The following THADA variants were observed in gnomAD, a reference collection of about 807,000 sequenced individuals.
THADA encodes the protein THADA armadillo repeat containing.
THADA carries 213 observed loss-of-function variants against 219.8 expected under a neutral mutation model. The ratio of observed to expected loss-of-function variants is 0.97; its 90% CI spans 0.87 to 1.09. The LOEUF (loss-of-function observed/expected upper bound fraction) is 1.09. Ranked by LOEUF, THADA falls within the 50% of genes least tolerant of loss-of-function variation. THADA has a pLI of 0.00. For missense variants in THADA, 2,956 were observed against 2,311.3 expected (o/e 1.28, Z -5.72); for synonymous variants, 1,018 against 828.9 (o/e 1.23, Z -3.92).
rs752631933 is a variant in THADA at position 43,293,041 on chromosome 2, C to T, written c.4611G>A (p.Arg1537=). The change falls in exon 32 of 38, where the codon CGG becomes CGA. Residue 1537 remains arginine (R), a synonymous_variant. Coordinates refer to ENST00000405975, the MANE Select transcript of THADA (RefSeq NM_022065.5). ...AGAAAGAGATGGGGACATTCGTCTC[C>T]CGCTCTCCACTCTTGGCTGCCGCGG... is the stretch of plus-strand genomic sequence containing the variant. ...VWAAAAKSGE[R]ETNVPISFSQ... The T allele has an allele frequency of 5.0e-6, 8 of 1,613,820 alleles. No homozygotes were observed. Among genetic ancestry groups the T allele is most frequent in the African/African-American group, 1.3e-5 (1 of 74,898 alleles).
intron 7 of THADA, among the ~76,000 whole-genome samples, chr2:43,586,193 A>C (rs146380784): frequency 2.6e-5 from 4 of 152,262 alleles, no homozygotes; most frequent in African/African-American, 9.6e-5. Context: ...TGAGCCCAGG[A>C]GGTTGAGGCT....
intron 22 of THADA, among the ~76,000 whole-genome samples, chr2:43,514,707 T>C (rs1314131604): frequency 1.4e-5 from 1 of 72,148 alleles, no homozygotes; most frequent in African/African-American, 6.9e-5. Flanking sequence ...ATATAATATA[T>C]ATATAAATAT....
At chr2:43,281,367 C>T (rs1331944003) in intron 35 of THADA, among the ~76,000 whole-genome samples, 7 of 151,858 alleles carry the variant, frequency 4.6e-5, no homozygotes, top group South Asian at 2.1e-4. Flanking sequence ...CAGATCCTTC[C>T]CTCTTTAGTC....
At chr2:43,445,930 T>A (rs763489730) in intron 26 of THADA, among the ~76,000 whole-genome samples, 7 of 152,162 alleles carry the variant, frequency 4.6e-5, no homozygotes, top group Non-Finnish European at 8.8e-5. Context: ...TACAATACTA[T>A]CCTGAGACAG....
At chr2:43,314,189 G>A (rs1294472265) in intron 31 of THADA, among the ~76,000 whole-genome samples, 2 of 152,076 alleles carry the variant, frequency 1.3e-5, no homozygotes, top group African/African-American at 4.8e-5. Context: ...GGGTATGGAT[G>A]GACAAATCCT....
rs528241346 is a variant in THADA at position 43,262,153 on chromosome 2, A to C, written c.5296+17612T>G. On this transcript the variant is annotated intron_variant, in intron 36 of 37. Transcript: ENST00000405975. ...CTTCCTTAGCAAGCGAACTCTAGGTAATGTGCTTAGCCCAAAACATTATGT... is the reference window on the plus strand; with the variant it reads ...CTTCCTTAGCAAGCGAACTCTAGGTCATGTGCTTAGCCCAAAACATTATGT... Among the ~76,000 whole-genome samples, 3 of 152,362 alleles carry C rather than the reference A, an allele frequency of 2.0e-5. 1 individual carries two copies. In the South Asian group the frequency reaches 6.2e-4, roughly 32 times the overall value.
At chr2:43,255,553 T>C (rs76957085) in intron 36 of THADA, among the ~76,000 whole-genome samples, 307 of 152,348 alleles carry the variant, frequency 2.0e-3, no homozygotes, top group Non-Finnish European at 3.7e-3. Flanking sequence ...TGACAAGGGA[T>C]TGGGCCCCCC....
At chr2:43,459,811 C>A (rs1184173708) in intron 26 of THADA, among the ~76,000 whole-genome samples, 1 of 152,156 alleles carries the variant, frequency 6.6e-6, no homozygotes, top group Non-Finnish European at 1.5e-5. Context: ...GCATTCACTA[C>A]TGTAGACTTG....
intron 31 of THADA, among the ~76,000 whole-genome samples, chr2:43,297,564 C>A (rs1226174223): frequency 9.0e-6 from 1 of 111,306 alleles, no homozygotes; most frequent in Admixed American, 7.9e-5. Context: ...GTCAGCCCCC[C>A]GCCTGGCCAG....
At position 43,232,746 on chromosome 2, in the gene THADA, A is replaced by G; in HGVS notation, c.5433T>C (p.Asp1811=). 6.2e-7 allele frequency: 1 copy of G among 1,613,940 alleles called. No individual in the cohort carries two copies. Among genetic ancestry groups the G allele is most frequent in the Non-Finnish European group, 8.5e-7 (1 of 1,179,868 alleles). The change falls in exon 37 of 38, where the codon GAT becomes GAC. Residue 1811 remains aspartate, a synonymous_variant. Coordinates refer to ENST00000405975, the MANE Select transcript of THADA (RefSeq NM_022065.5). ...ILLGWLLGES[D]DLVACVESMH... Reference sequence around the variant, plus strand: ...TGCTCTCCACACAGGCCACGAGGTCATCACTCTCTCCCAACAGCCATCCCA... The same window carrying G: ...TGCTCTCCACACAGGCCACGAGGTCGTCACTCTCTCCCAACAGCCATCCCA...
At chr2:43,432,622 T>G (rs1679515265) in intron 26 of THADA, among the ~76,000 whole-genome samples, 1 of 152,168 alleles carries the variant, frequency 6.6e-6, no homozygotes, top group Non-Finnish European at 1.5e-5. Flanking sequence ...ATTATACCAT[T>G]TTACACTCCC....
chr2:43,465,286 A>T (rs1056186632), intron 26 of THADA, among the ~76,000 whole-genome samples: 1 of 152,232 alleles, frequency 6.6e-6, no homozygotes, highest in Admixed American at 6.5e-5. Flanking sequence ...AACTTGTTTA[A>T]TCCAGTGGAA....
chr2:43,516,159 T>A (rs1455231029), intron 22 of THADA, among the ~76,000 whole-genome samples: 1 of 152,198 alleles, frequency 6.6e-6, no homozygotes, highest in Non-Finnish European at 1.5e-5. Context: ...TTTTCTGTAG[T>A]ATAGCAATAT....
In THADA at chr2:43,337,610, A is replaced by G. The variant is rs147178929; in HGVS notation, c.4343+6512T>C. Among the ~76,000 whole-genome samples the G allele has an allele frequency of 1.4e-3, 217 of 152,228 alleles. 1 individual carries two copies. The highest frequency in any genetic ancestry group is 5.0e-3 in the African/African-American group (206 of 41,530). ...GAAAACAATCTGGCAGTGTATACCAAGACTTTTTCCATTTCCCCTTGACCA... is the reference window on the plus strand; with the variant it reads ...GAAAACAATCTGGCAGTGTATACCAGGACTTTTTCCATTTCCCCTTGACCA... On this transcript the variant is annotated intron_variant, in intron 30 of 37. Coordinates refer to ENST00000405975, the MANE Select transcript of THADA (RefSeq NM_022065.5).
At chr2:43,508,409 T>A (rs1689973844) in intron 23 of THADA, among the ~76,000 whole-genome samples, 1 of 152,056 alleles carries the variant, frequency 6.6e-6, no homozygotes, top group Non-Finnish European at 1.5e-5. Context: ...CAGACAGAAA[T>A]TTATACCACC....
intron 26 of THADA, among the ~76,000 whole-genome samples, chr2:43,475,311 G>A (rs932617410): frequency 6.6e-6 from 1 of 151,816 alleles, no homozygotes; most frequent in East Asian, 1.9e-4. Context: ...AGCTACTTGG[G>A]AGGTTGAGGC....
chr2:43,513,608 T>A (rs569708147), intron 22 of THADA, among the ~76,000 whole-genome samples: 2 of 152,078 alleles, frequency 1.3e-5, no homozygotes, highest in African/African-American at 4.8e-5. Context: ...ATCTATGATA[T>A]CCCCAATTTC....
intron 22 of THADA, among the ~76,000 whole-genome samples, chr2:43,514,709 TATAA>T (rs1691051837): frequency 1.4e-5 from 1 of 73,784 alleles, no homozygotes; most frequent in South Asian, 3.9e-4. Flanking sequence ...ATAATATATA[TATAA>T]ATATATATTA....
chr2:43,416,899 T>C (rs1001100385), intron 28 of THADA, among the ~76,000 whole-genome samples: 7 of 152,200 alleles, frequency 4.6e-5, no homozygotes, highest in African/African-American at 1.7e-4. Flanking sequence ...AAAACCTTCC[T>C]TTCATACTAT....
Sources: gnomAD v4.1 joint callset for allele counts (sites outside exome capture counted in the v4.1 genomes callset) on GRCh38, gnomAD v4.1.1 for gene constraint, MANE v1.5 for transcripts, NCBI Gene and HGNC (gene_info 2026-07-23, HGNC 2026-07-21) for gene names.